The following DDR2 variants were observed in gnomAD, a reference collection of about 807,000 sequenced individuals.
DDR2 encodes the protein discoidin domain-containing receptor 2.
Under a neutral mutation model 94.9 loss-of-function variants are expected in DDR2, and 27 were observed. The observed-to-expected ratio is 0.28, with a 90% CI of 0.21 to 0.39. The LOEUF (loss-of-function observed/expected upper bound fraction) is 0.39, where lower values mean the gene tolerates loss of function less well. Among genes scored for constraint, DDR2 ranks in the 10% least tolerant of loss-of-function variants. The pLI, the probability that DDR2 is intolerant of heterozygous loss-of-function variation, is 1.00. For synonymous variants in DDR2, 382 were observed against 377.2 expected, an observed-to-expected ratio of 1.01 and a Z score of -0.15; for missense variants, 783 against 1,076.0, an observed-to-expected ratio of 0.73 and a Z score of 3.81.
rs74955851 is a variant in DDR2 at position 162,732,629 on chromosome 1, T to C, written c.82+13484T>C. On this transcript the variant is annotated intron_variant, in intron 3 of 17. Coordinates refer to ENST00000367921, the MANE Select transcript of DDR2 (RefSeq NM_006182.4). ...TATGATTGCAGATGTCCCTTTAGAT[T>C]GTAGACTGGCTTGAGACCGCTGACC... Among the ~76,000 whole-genome samples, 534 of 152,338 alleles carry C rather than the reference T, an allele frequency of 3.5e-3. 7 individuals are homozygous for C. The highest frequency in any genetic ancestry group is 0.034 in the East Asian group (176 of 5,186).
intron 3 of DDR2, among the ~76,000 whole-genome samples, chr1:162,749,297 G>C (rs11484775): frequency 0.02 from 3,060 of 152,202 alleles, 95 homozygotes; most frequent in African/African-American, 0.07. Flanking sequence ...GAATCAAATA[G>C]ATACAATAAA....
chr1:162,735,294 C>T (rs936014851), intron 3 of DDR2, among the ~76,000 whole-genome samples: 1 of 152,074 alleles, frequency 6.6e-6, no homozygotes, highest in African/African-American at 2.4e-5. Context: ...AAGAGCTGGA[C>T]GAGTCGAGGA....
At chr1:162,763,643 A>G (rs1663861992) in intron 9 of DDR2, among the ~76,000 whole-genome samples, 1 of 152,170 alleles carries the variant, frequency 6.6e-6, no homozygotes. Context: ...AACCATTTCA[A>G]GAAATCTTGA....
Position 162,680,213 on chromosome 1 carries a change from A to G in DDR2, c.-28+24839A>G, listed in dbSNP as rs533884324. ...CATCACGAAATCTTTGCCAAGTCCT[A>G]TGTCCAGAATGGTATTTCCTAGGTT... On this transcript the variant is annotated intron_variant, in intron 2 of 17. Coordinates refer to ENST00000367921, the MANE Select transcript of DDR2 (RefSeq NM_006182.4). Among the ~76,000 whole-genome samples, 7 of 152,290 alleles carry G rather than the reference A, an allele frequency of 4.6e-5. No individual in the cohort carries two copies. The South Asian group carries it at 1.2e-3, about 27-fold the overall frequency.
chr1:162,649,892 G>A (rs1357628374), intron 1 of DDR2, among the ~76,000 whole-genome samples: 8 of 152,280 alleles, frequency 5.3e-5, no homozygotes, highest in African/African-American at 1.9e-4. Flanking sequence ...GTGAGGCCTT[G>A]GATAAATCAG....
intron 2 of DDR2, among the ~76,000 whole-genome samples, chr1:162,679,134 G>A (rs1245903357): frequency 6.6e-6 from 1 of 150,954 alleles, no homozygotes; most frequent in Non-Finnish European, 1.5e-5. Flanking sequence ...AGGTAATTTT[G>A]TCACCTGGGT....
chr1:162,761,658 C>A (rs977343654), intron 9 of DDR2, among the ~76,000 whole-genome samples: 1 of 152,092 alleles, frequency 6.6e-6, no homozygotes, highest in South Asian at 2.1e-4. Context: ...AAAATATGCA[C>A]GTAACTCTTC....
chr1:162,752,710 G>A (rs1464530477), intron 3 of DDR2, among the ~76,000 whole-genome samples: 1 of 152,176 alleles, frequency 6.6e-6, no homozygotes, highest in African/African-American at 2.4e-5. Flanking sequence ...GGCGCCTGGT[G>A]ATTATGAGGG....
At chr1:162,765,910 C>T (rs1663966998) in intron 9 of DDR2, 91 bp from the exon 10 acceptor site, 5 of 1,142,990 alleles carry the variant, frequency 4.4e-6, no homozygotes, top group Middle Eastern at 3.9e-4. Context: ...CTAAATTGAT[C>T]TTGTAATGTG....
intron 2 of DDR2, among the ~76,000 whole-genome samples, chr1:162,658,272 G>A (rs1297403708): frequency 1.3e-5 from 2 of 152,188 alleles, no homozygotes; most frequent in Non-Finnish European, 2.9e-5. Context: ...GGAGGTGGGG[G>A]TGGCAGTGAG....
intron 2 of DDR2, among the ~76,000 whole-genome samples, chr1:162,704,196 G>T (rs1558036352): frequency 6.6e-6 from 1 of 152,178 alleles, no homozygotes; most frequent in Non-Finnish European, 1.5e-5. Flanking sequence ...TTATTATGGG[G>T]TAGATGGGAT....
At chr1:162,771,964 C>T (rs978946140) in intron 12 of DDR2, 60 bp from the exon 13 acceptor site, 8 of 1,531,958 alleles carry the variant, frequency 5.2e-6, no homozygotes, top group Non-Finnish European at 8.8e-7. Flanking sequence ...AGAGTTCCTT[C>T]CTGAAGAGAT....
intron 2 of DDR2, among the ~76,000 whole-genome samples, chr1:162,693,311 A>G (rs898025304): frequency 1.3e-5 from 2 of 152,184 alleles, no homozygotes; most frequent in African/African-American, 4.8e-5. Context: ...TTTTCTGTAT[A>G]TCTTACATTT....
intron 9 of DDR2, among the ~76,000 whole-genome samples, chr1:162,763,990 C>G (rs968957986): frequency 2.6e-5 from 4 of 152,140 alleles, no homozygotes; most frequent in African/African-American, 9.7e-5. Context: ...GATTTCTTAG[C>G]AATTCTCTTT....
In DDR2 at chr1:162,761,381, G is replaced by A; in HGVS notation, c.1026G>A (p.Met342Ile). The change falls in exon 9 of 18, where the codon ATG (methionine) becomes ATA (isoleucine). Residue 342 changes from methionine to isoleucine, a missense_variant. Physicochemically the swap from Met to Ile is conservative, Grantham distance 10 (BLOSUM62 1). Coordinates refer to ENST00000367921, the MANE Select transcript of DDR2 (RefSeq NM_006182.4). ...TCACGGTGCCTCTCCACCACCGAATGGCCAGTGCCATCAAGTGTCAATACC... is the reference window on the plus strand; with the variant it reads ...TCACGGTGCCTCTCCACCACCGAATAGCCAGTGCCATCAAGTGTCAATACC... ...RFVTVPLHHRMASAIKCQYHF... is the reference protein window; with the variant it reads ...RFVTVPLHHRIASAIKCQYHF... 1 of 1,614,200 alleles carries A rather than the reference G, an allele frequency of 6.2e-7. No individual in the cohort carries two copies. Among genetic ancestry groups the A allele is most frequent in the Non-Finnish European group, 8.5e-7 (1 of 1,180,040 alleles).
intron 3 of DDR2, among the ~76,000 whole-genome samples, chr1:162,731,025 C>T (rs1223861485): frequency 6.6e-6 from 1 of 152,216 alleles, no homozygotes; most frequent in Admixed American, 6.5e-5. Context: ...ATTCTCCCTT[C>T]TCTGAAGTCT....
chr1:162,666,803 A>G (rs1571168554), intron 2 of DDR2, among the ~76,000 whole-genome samples: 2 of 151,920 alleles, frequency 1.3e-5, no homozygotes, highest in East Asian at 3.9e-4. Context: ...TTCCCAGCCA[A>G]CTTTTCTAAT....
intron 3 of DDR2, among the ~76,000 whole-genome samples, chr1:162,748,454 T>A (rs1405899682): frequency 6.6e-6 from 1 of 152,188 alleles, no homozygotes; most frequent in East Asian, 1.9e-4. Context: ...GAGCTAACTA[T>A]CCTAAATATA....
chr1:162,643,985 T>C (rs1657284197), intron 1 of DDR2, among the ~76,000 whole-genome samples: 1 of 152,112 alleles, frequency 6.6e-6, no homozygotes, highest in South Asian at 2.1e-4. Context: ...ACATAAGAAA[T>C]GAGACCTGGC....
Sources: allele counts gnomAD v4.1 joint callset (sites outside exome capture counted in the v4.1 genomes callset), GRCh38; gene constraint gnomAD v4.1.1; transcripts MANE v1.5; gene names NCBI Gene and HGNC (gene_info 2026-07-23, HGNC 2026-07-21).